Variants in SND1 observed in about 807,000 individuals in gnomAD.
SND1 encodes the protein staphylococcal nuclease and tudor domain containing 1, also known as staphylococcal nuclease domain-containing protein 1.
In SND1, 38 loss-of-function variants were observed where a neutral mutation model predicts 121.7. That is an observed-to-expected ratio of 0.31 (90% CI 0.24 to 0.41). SND1 has a LOEUF of 0.41. SND1 is among the 10% of genes least tolerant of loss of function. SND1 has a pLI of 1.00. For missense variants in SND1, 868 were observed against 1,184.6 expected (o/e 0.73, Z 3.92); for synonymous variants, 401 against 447.4 (o/e 0.90, Z 1.31).
At chr7:127,736,815 A>G (rs1239114812) in intron 10 of SND1, among the ~76,000 whole-genome samples, 2 of 152,146 alleles carry the variant, frequency 1.3e-5, no homozygotes, top group African/African-American at 4.8e-5. Context: ...GGATAGGTAC[A>G]TCTTCTCCTG....
At chr7:127,853,233 A>G (rs1799206828) in intron 12 of SND1, among the ~76,000 whole-genome samples, 1 of 152,130 alleles carries the variant, frequency 6.6e-6, no homozygotes, top group South Asian at 2.1e-4. Context: ...GTTGACTGGG[A>G]TGTGCTTTGC....
chr7:127,769,557 C>G (rs926636367), intron 10 of SND1, among the ~76,000 whole-genome samples: 1 of 152,042 alleles, frequency 6.6e-6, no homozygotes, highest in Non-Finnish European at 1.5e-5. Flanking sequence ...CTCTCTGTTA[C>G]TTATGTTTTG....
chr7:127,893,927 A>G (rs899703976), intron 13 of SND1, among the ~76,000 whole-genome samples: 4 of 152,032 alleles, frequency 2.6e-5, no homozygotes, highest in African/African-American at 4.8e-5. Flanking sequence ...TACATCTCCA[A>G]TCTCCAAACT....
intron 10 of SND1, among the ~76,000 whole-genome samples, chr7:127,770,374 G>T (rs1310921557): frequency 6.6e-6 from 1 of 152,188 alleles, no homozygotes; most frequent in African/African-American, 2.4e-5. Flanking sequence ...AAAGAAATTT[G>T]AGGCTTGGAA....
intron 11 of SND1, among the ~76,000 whole-genome samples, chr7:127,836,183 C>G (rs1443681323): frequency 6.6e-6 from 1 of 152,014 alleles, no homozygotes; most frequent in Non-Finnish European, 1.5e-5. Flanking sequence ...CTGCCCATCC[C>G]GGGGACAGAG....
At chr7:127,653,909 T>C (rs3808115) in intron 1 of SND1, among the ~76,000 whole-genome samples, 9,945 of 152,280 alleles carry the variant, frequency 0.065, 413 homozygotes, top group Middle Eastern at 0.19. Context: ...TCTGAAATAC[T>C]GACCTGACCC....
chr7:128,091,274 A>G (rs1297950837), intron 22 of SND1, among the ~76,000 whole-genome samples: 1 of 152,230 alleles, frequency 6.6e-6, no homozygotes, highest in African/African-American at 2.4e-5. Flanking sequence ...ACAATGGCAC[A>G]GTGCCGGAAT....
intron 15 of SND1, among the ~76,000 whole-genome samples, chr7:127,938,800 C>A (rs1210190992): frequency 6.6e-6 from 1 of 152,200 alleles, no homozygotes; most frequent in East Asian, 1.9e-4. Flanking sequence ...TCCAATTACA[C>A]CAGGATTATT....
chr7:127,837,387 A>G (rs1489281543), intron 11 of SND1, among the ~76,000 whole-genome samples: 1 of 152,210 alleles, frequency 6.6e-6, no homozygotes, highest in Non-Finnish European at 1.5e-5. Flanking sequence ...GAAATTTTGC[A>G]TTAAATAAAA....
At chr7:127,960,504 G>C (rs1345350948) in intron 15 of SND1, among the ~76,000 whole-genome samples, 1 of 152,206 alleles carries the variant, frequency 6.6e-6, no homozygotes, top group Non-Finnish European at 1.5e-5. Context: ...CAGTCATCTA[G>C]AAAAGGGTGG....
intron 15 of SND1, among the ~76,000 whole-genome samples, chr7:127,988,638 C>G (rs1802451321): frequency 6.6e-6 from 1 of 152,244 alleles, no homozygotes. Context: ...CTTCACCAAC[C>G]TGGTGAGATT....
At chr7:127,792,472 G>C (rs1385119990) in intron 10 of SND1, among the ~76,000 whole-genome samples, 1 of 152,180 alleles carries the variant, frequency 6.6e-6, no homozygotes, top group Non-Finnish European at 1.5e-5. Flanking sequence ...CATAATTTAA[G>C]AGATGATTAG....
intron 16 of SND1, among the ~76,000 whole-genome samples, chr7:128,005,263 G>A (rs370754043): frequency 6.6e-6 from 1 of 152,186 alleles, no homozygotes; most frequent in South Asian, 2.1e-4. Context: ...GGGGCCCTCC[G>A]TAGCCAGCCC....
chr7:128,091,780 C>G (rs773412864), intron 22 of SND1, 57 bp from the exon 23 acceptor site: 59 of 1,583,986 alleles, frequency 3.7e-5, no homozygotes, highest in Non-Finnish European at 4.9e-5. Context: ...CAGGGTCCTG[C>G]TGGCTGATCA....
chr7:127,970,984 TCCTGATAAGG>T (rs1453380293), intron 15 of SND1, among the ~76,000 whole-genome samples: 1 of 152,122 alleles, frequency 6.6e-6, no homozygotes, highest in Non-Finnish European at 1.5e-5. Flanking sequence ...AAAATAAAAA[TCCTGATAAGG>T]CCCCAGTGTG....
At chr7:127,879,473 C>A (rs565706203) in intron 12 of SND1, among the ~76,000 whole-genome samples, 46 of 152,226 alleles carry the variant, frequency 3.0e-4, no homozygotes, top group African/African-American at 9.6e-4. Flanking sequence ...GTCTTCTGAG[C>A]TTTCCACCCT....
At chr7:127,792,104 GTCTTC>G (rs1483861417) in intron 10 of SND1, among the ~76,000 whole-genome samples, 5 of 152,152 alleles carry the variant, frequency 3.3e-5, no homozygotes, top group Admixed American at 2.0e-4. Context: ...TGACTTGAAA[GTCTTC>G]TCTTTACTTT....
chr7:128,019,726 A>T (rs761936923), intron 16 of SND1, among the ~76,000 whole-genome samples: 1 of 152,242 alleles, frequency 6.6e-6, no homozygotes, highest in Non-Finnish European at 1.5e-5. Flanking sequence ...TGAAACCATC[A>T]TGAAGAAGAC....
intron 12 of SND1, among the ~76,000 whole-genome samples, chr7:127,845,356 C>T (rs1799038855): frequency 6.6e-6 from 1 of 152,182 alleles, no homozygotes; most frequent in Non-Finnish European, 1.5e-5. Context: ...CCACTGCTAC[C>T]GATCCTATAT....
Sources: gnomAD v4.1 joint callset for allele counts (sites outside exome capture counted in the v4.1 genomes callset) on GRCh38, gnomAD v4.1.1 for gene constraint, MANE v1.5 for transcripts, NCBI Gene and HGNC (gene_info 2026-07-23, HGNC 2026-07-21) for gene names.